LAMC1: variants seen among roughly 807,000 people sequenced by gnomAD.
The protein encoded by LAMC1 is laminin subunit gamma-1.
A neutral mutation model predicts 173.6 loss-of-function variants in LAMC1; 38 were observed. That is an observed-to-expected ratio of 0.22 (90% CI 0.17 to 0.29). LAMC1 has a LOEUF of 0.29. LAMC1 is among the 10% of genes least tolerant of loss of function. The probability of loss-of-function intolerance (pLI) is 1.00; values close to 1 mark genes in which losing one functional copy is unlikely to be tolerated. For missense variants in LAMC1, 1,824 were observed against 2,051.8 expected, an observed-to-expected ratio of 0.89 and a Z score of 2.14; for synonymous variants, 746 against 749.1, an observed-to-expected ratio of 1.00 and a Z score of 0.07.
chr1:183,126,846 T>A (rs1030968099), intron 16 of LAMC1, among the ~76,000 whole-genome samples: 1 of 152,220 alleles, frequency 6.6e-6, no homozygotes, highest in Admixed American at 6.5e-5. Context: ...AACTATAAGA[T>A]AATGCAAAAG....
intron 1 of LAMC1, among the ~76,000 whole-genome samples, chr1:183,052,157 C>T (rs1654443473): frequency 6.6e-6 from 1 of 152,128 alleles, no homozygotes; most frequent in African/African-American, 2.4e-5. Context: ...TCTGCTTCCC[C>T]TGTTTTGTTG....
At chr1:183,141,901 G>A (rs1657124010) in intron 27 of LAMC1, among the ~76,000 whole-genome samples, 1 of 152,196 alleles carries the variant, frequency 6.6e-6, no homozygotes, top group Non-Finnish European at 1.5e-5. Flanking sequence ...TGCATGAAAT[G>A]CTGTCTATTG....
intron 4 of LAMC1, among the ~76,000 whole-genome samples, chr1:183,114,316 C>G (rs1322626316): frequency 2.6e-5 from 4 of 152,208 alleles, no homozygotes; most frequent in Non-Finnish European, 5.9e-5. Flanking sequence ...GGTGATCTGC[C>G]TGCCTCAGCC....
chr1:183,029,724 A>G (rs1381929414), intron 1 of LAMC1, among the ~76,000 whole-genome samples: 1 of 152,094 alleles, frequency 6.6e-6, no homozygotes, highest in Non-Finnish European at 1.5e-5. Context: ...ATCACATAGG[A>G]TTATCTGTTT....
intron 1 of LAMC1, among the ~76,000 whole-genome samples, chr1:183,095,338 T>A (rs772518228): frequency 6.6e-6 from 1 of 152,146 alleles, no homozygotes; most frequent in Non-Finnish European, 1.5e-5. Flanking sequence ...TTTCTCTTTT[T>A]AAAAAAACTA....
At chr1:183,026,465 T>C (rs1436080295) in intron 1 of LAMC1, among the ~76,000 whole-genome samples, 3 of 152,134 alleles carry the variant, frequency 2.0e-5, no homozygotes, top group African/African-American at 4.8e-5. Flanking sequence ...CAACAATTTA[T>C]GACAAGTAGG....
chr1:183,061,061 A>G (rs1344614819), intron 1 of LAMC1, among the ~76,000 whole-genome samples: 1 of 152,168 alleles, frequency 6.6e-6, no homozygotes, highest in East Asian at 1.9e-4. Flanking sequence ...AAGTTATTGT[A>G]GCAATCCAGA....
intron 1 of LAMC1, among the ~76,000 whole-genome samples, chr1:183,084,870 G>A (rs1022447342): frequency 5.3e-5 from 8 of 152,182 alleles, no homozygotes; most frequent in Non-Finnish European, 1.2e-4. Flanking sequence ...AAATGTAGTT[G>A]AGGGTGTATA....
At position 183,124,732 on chromosome 1, in the gene LAMC1, G is replaced by C. The variant is rs1656573507; in HGVS notation, c.2503G>C (p.Asp835His). Residue 835 changes from aspartate (D) to histidine (H), a missense_variant, in exon 14 of 28, where the codon GAT (aspartate) becomes CAT (histidine). Transcript: ENST00000258341. The part of the protein sequence containing the change: ...CRLCQCSDNI[D>H]PNAVGNCNRL... ...CCTGTGCCAGTGCAGTGACAACATC[G>C]ATCCCAATGCAGTTGGAAATTGCAA... 1 of 1,614,080 alleles carries C rather than the reference G, an allele frequency of 6.2e-7. No individual in the cohort carries two copies. The highest frequency in any genetic ancestry group is 8.5e-7 in the Non-Finnish European group (1 of 1,180,058).
intron 2 of LAMC1, 147 bp downstream of exon 2, chr1:183,103,779 T>A: frequency 5.2e-6 from 3 of 571,728 alleles, no homozygotes; most frequent in Non-Finnish European, 8.7e-6. Flanking sequence ...AGCTTGATTC[T>A]GCTCTCTGTG....
chr1:183,060,578 T>C (rs530420299), intron 1 of LAMC1, among the ~76,000 whole-genome samples: 1 of 152,266 alleles, frequency 6.6e-6, no homozygotes, highest in Non-Finnish European at 1.5e-5. Flanking sequence ...CTGTACACAA[T>C]ATTACAGTGC....
chr1:183,070,571 A>G (rs1400675501), intron 1 of LAMC1, among the ~76,000 whole-genome samples: 1 of 152,236 alleles, frequency 6.6e-6, no homozygotes, highest in African/African-American at 2.4e-5. Context: ...GTGGTGAGAT[A>G]AGAGCTCCTA....
chr1:183,064,392 G>A (rs1654815185), intron 1 of LAMC1, among the ~76,000 whole-genome samples: 1 of 152,108 alleles, frequency 6.6e-6, no homozygotes, highest in Non-Finnish European at 1.5e-5. Flanking sequence ...GAATACTGGA[G>A]GCCATTGTAA....
At position 183,143,166 on chromosome 1, in the gene LAMC1, C is replaced by G. The variant is rs1657163604; in HGVS notation, c.*376C>G. On this transcript the variant is annotated 3_prime_UTR_variant, in exon 28 of 28. Coordinates refer to ENST00000258341, the MANE Select transcript of LAMC1 (RefSeq NM_002293.4). ...GTCTCATCGATACCAGCAGAACCTC[C>G]TCAGTCTCAGTACTCTTGTTTCTAT... 1 of 179,172 alleles carries G rather than the reference C, an allele frequency of 5.6e-6. No individual in the cohort carries two copies. The highest frequency in any genetic ancestry group is 5.4e-5 in the Admixed American group (1 of 18,522). 11.1% of individuals were successfully genotyped at this position (179,172 alleles called of 1,614,324 possible). A position where few individuals can be genotyped will look rare whatever the true frequency, so the allele number is the denominator to read the frequency against.
In LAMC1 at chr1:183,133,406, G is replaced by T; in HGVS notation, c.3705G>T (p.Lys1235Asn). 6.2e-7 allele frequency: 1 copy of T among 1,612,746 alleles called. No individual in the cohort carries two copies. The highest frequency in any genetic ancestry group is 8.5e-7 in the Non-Finnish European group (1 of 1,179,080). ...TTAAACCACATTATTTGTGTCTTAG[G>T]TATGAACAAGCGAAGAACATCTCAC... is the stretch of plus-strand genomic sequence containing the variant. ...TAFEIEELNR[K>N]YEQAKNISQD... is the part of the protein sequence containing the mutation. The change falls in exon 22 of 28, where the codon AAG becomes AAT. Residue 1235 changes from lysine to asparagine, a missense_variant and splice_region_variant. Transcript: ENST00000258341.
At chr1:183,141,478 C>A (rs768319248) in intron 27 of LAMC1, among the ~76,000 whole-genome samples, 2 of 152,184 alleles carry the variant, frequency 1.3e-5, no homozygotes, top group Non-Finnish European at 2.9e-5. Context: ...TTCTTTTAAT[C>A]CAGTTTGATA....
intron 1 of LAMC1, among the ~76,000 whole-genome samples, chr1:183,085,217 C>CAA (rs111855460): frequency 4.1e-4 from 44 of 107,194 alleles, no homozygotes; most frequent in African/African-American, 9.5e-4. Context: ...GACTCTGTCT[C>CAA]AAAAAAAAAA....
At chr1:183,053,921 T>A (rs1654508737) in intron 1 of LAMC1, among the ~76,000 whole-genome samples, 1 of 152,198 alleles carries the variant, frequency 6.6e-6, no homozygotes, top group Admixed American at 6.5e-5. Context: ...CCACTGCTCC[T>A]GGCCAAAGAT....
intron 1 of LAMC1, among the ~76,000 whole-genome samples, chr1:183,090,534 G>C (rs914670900): frequency 6.6e-6 from 1 of 152,240 alleles, no homozygotes; most frequent in Non-Finnish European, 1.5e-5. Context: ...CTTGTAGAGA[G>C]AGTGCCAGCT....
Sources: gnomAD v4.1 joint callset for allele counts (sites outside exome capture counted in the v4.1 genomes callset) on GRCh38, gnomAD v4.1.1 for gene constraint, MANE v1.5 for transcripts, NCBI Gene and HGNC (gene_info 2026-07-23, HGNC 2026-07-21) for gene names.